Variants in DAGLB observed in about 807,000 individuals in gnomAD.
The protein encoded by DAGLB is diacylglycerol lipase beta.
Under a neutral mutation model 72.1 loss-of-function variants are expected in DAGLB, and 66 were observed. The observed-to-expected ratio is 0.92, with a 90% CI of 0.75 to 1.12. The LOEUF is 1.12. Ranked by LOEUF, DAGLB falls within the 50% of genes most tolerant of loss-of-function variation. The pLI, the probability that DAGLB is intolerant of heterozygous loss-of-function variation, is 0.00. For missense variants in DAGLB, 1,065 were observed against 884.9 expected (o/e 1.20, Z -2.58); for synonymous variants, 414 against 359.5 (o/e 1.15, Z -1.71).
rs1363902935 is a variant in DAGLB, at chr7:6,438,119, C to G, written c.248-1586G>C. Among the ~76,000 whole-genome samples, 6 of 151,942 alleles carry G rather than the reference C, an allele frequency of 3.9e-5. No individual in the cohort carries two copies. In the East Asian group the frequency reaches 1.2e-3, roughly 29 times the overall value. Reference sequence around the variant, plus strand: ...ATCGCAAGGACAGAAAACCAAACACCGCATGTTTTCACTCATAGGTGGGAA... The same window carrying G: ...ATCGCAAGGACAGAAAACCAAACACGGCATGTTTTCACTCATAGGTGGGAA... On this transcript the variant is annotated intron_variant, in intron 2 of 14. Coordinates refer to ENST00000297056, the MANE Select transcript of DAGLB (RefSeq NM_139179.4).
intron 8 of DAGLB, 31 bp from the exon 9 acceptor site, chr7:6,421,835 C>T: frequency 6.2e-7 from 1 of 1,608,944 alleles, no homozygotes. Context: ...AAGCGGCCGT[C>T]AGCCTGTGAT....
chr7:6,441,150 G>C (rs1234915021), intron 2 of DAGLB, among the ~76,000 whole-genome samples: 2 of 150,712 alleles, frequency 1.3e-5, no homozygotes, highest in African/African-American at 2.4e-5. Flanking sequence ...GAGTGCAGTG[G>C]CGCGATCTCG....
In DAGLB at chr7:6,434,916, C is replaced by T; in HGVS notation, c.524G>A (p.Ser175Asn). ...YSSAGPSHLD[S>N]HDSSQLLNGL... ...ATTAAGTAACTGGCTTGAATCATGACTATCCAGGTGGCTGGGGCCGGCAGA... is the reference window on the plus strand; with the variant it reads ...ATTAAGTAACTGGCTTGAATCATGATTATCCAGGTGGCTGGGGCCGGCAGA... Residue 175 changes from serine to asparagine, a missense_variant, in exon 4 of 15, where the codon AGT becomes AAT. Transcript: ENST00000297056. 1.2e-6 allele frequency: 2 copies of T among 1,614,192 alleles called. No homozygotes were observed. The highest frequency in any genetic ancestry group is 1.7e-6 in the Non-Finnish European group (2 of 1,180,028).
rs374025101 is a variant in DAGLB, at chr7:6,445,973, A to T, written c.227T>A (p.Ile76Asn). Reference protein sequence around the residue: ...LAVVICTVSAIMCVSMRGTIC... With the variant: ...LAVVICTVSANMCVSMRGTIC... The stretch of plus-strand genomic sequence containing the variant: ...TTTACCTCTCATGCTGACACACATG[A>T]TGGCTGACACAGTACATATGACAAC... The change falls in exon 2 of 15, where the codon ATC becomes AAC. Residue 76 changes from isoleucine to asparagine, a missense_variant. By Grantham distance (149) the Ile-to-Asn change is moderately radical. Transcript: ENST00000297056. 2.2e-5 allele frequency: 36 copies of T among 1,603,246 alleles called. No homozygotes were observed. The Middle Eastern group carries it at 8.3e-4, about 37-fold the overall frequency.
chr7:6,414,167 C>G (rs539784650), intron 11 of DAGLB, among the ~76,000 whole-genome samples: 1 of 151,838 alleles, frequency 6.6e-6, no homozygotes, highest in African/African-American at 2.4e-5. Context: ...CCCACCACCA[C>G]GCCCAGCTAA....
At position 6,409,132 on chromosome 7, in the gene DAGLB, G is replaced by T. The variant is rs836559; in HGVS notation, c.*705C>A. 1 of 152,990 alleles carries T rather than the reference G, an allele frequency of 6.5e-6. No homozygotes were observed. Among genetic ancestry groups the T allele is most frequent in the African/African-American group, 2.4e-5 (1 of 41,412 alleles). The allele number at this position is 152,990 out of a possible 1,614,324, so 9.5% of individuals were successfully genotyped here. A position where few individuals can be genotyped will look rare whatever the true frequency, so the allele number is the denominator to read the frequency against. On this transcript the variant is annotated 3_prime_UTR_variant, in exon 15 of 15. Coordinates refer to ENST00000297056, the MANE Select transcript of DAGLB (RefSeq NM_139179.4). ...ACGCAGCTGTACACACAAGCACTAT[G>T]GTGACGCGCGCTTTATTGTTTCAAC...
In DAGLB at chr7:6,421,819, T is replaced by C; in HGVS notation, c.1141-15A>G. 1.2e-6 allele frequency: 2 copies of C among 1,611,666 alleles called. No homozygotes were observed. Among genetic ancestry groups the C allele is most frequent in the Non-Finnish European group, 1.7e-6 (2 of 1,179,118 alleles). On this transcript the variant is annotated splice_polypyrimidine_tract_variant and intron_variant, in intron 8 of 14. Transcript: ENST00000297056. ...GTAAGGACATCCTGTAAAAAGGGCGTTGCAGAAGCGGCCGTCAGCCTGTGA... is the reference window on the plus strand; with the variant it reads ...GTAAGGACATCCTGTAAAAAGGGCGCTGCAGAAGCGGCCGTCAGCCTGTGA...
At chr7:6,424,274 C>T (rs836523) in intron 8 of DAGLB, among the ~76,000 whole-genome samples, 7 of 151,982 alleles carry the variant, frequency 4.6e-5, no homozygotes, top group African/African-American at 1.7e-4. Flanking sequence ...GGATGGATGT[C>T]GGCAGTCCTG....
At chr7:6,431,701 G>C (rs1784493553) in intron 5 of DAGLB, among the ~76,000 whole-genome samples, 1 of 152,132 alleles carries the variant, frequency 6.6e-6, no homozygotes, top group African/African-American at 2.4e-5. Context: ...GAAGTCAGGA[G>C]ACAGAGGGTG....
chr7:6,438,267 G>T (rs1166212715), intron 2 of DAGLB, among the ~76,000 whole-genome samples: 1 of 151,976 alleles, frequency 6.6e-6, no homozygotes, highest in Admixed American at 6.6e-5. Context: ...CGAGTAACGG[G>T]TGCAGCACAC....
chr7:6,447,540 T>G (rs1198049253), intron 1 of DAGLB, among the ~76,000 whole-genome samples: 6 of 152,120 alleles, frequency 3.9e-5, no homozygotes, highest in Non-Finnish European at 8.8e-5. Context: ...CCACACACTC[T>G]GGGGGCTTCG....
Position 6,426,059 on chromosome 7 carries a change from G to C in DAGLB, c.985C>G (p.His329Asp), listed in dbSNP as rs1411912992. 1 of 1,614,076 alleles carries C rather than the reference G, an allele frequency of 6.2e-7. No homozygotes were observed. ...DLVGGDQLNC[H>D]FGSILHTTGL... ...GTGGTGTGCAGGATGGAGCCGAAGT[G>C]ACAGTTGAGCTGATCGCCTCCGACC... Residue 329 changes from histidine to aspartate, a missense_variant, in exon 7 of 15, where the codon CAC (histidine) becomes GAC (aspartate). Physicochemically the swap from His to Asp is moderately conservative, Grantham distance 81 (BLOSUM62 -1). Transcript: ENST00000297056.
rs748538522 is a variant in DAGLB, at chr7:6,446,042, G to T, written c.158C>A (p.Ala53Asp). The T allele has an allele frequency of 6.2e-7, 1 of 1,613,588 alleles. No individual in the cohort carries two copies. Among genetic ancestry groups the T allele is most frequent in the Non-Finnish European group, 8.5e-7 (1 of 1,179,868 alleles). ...HRGKLDCAGG[A>D]LLSSYLIVLM... is the part of the protein sequence containing the mutation. ...GACGATCAAGTAACTGCTGAGCAAG[G>T]CTCCACCAGCACAGTCCAGCTTTCC... The change falls in exon 2 of 15, where the codon GCC becomes GAC. Residue 53 changes from alanine to aspartate, a missense_variant. Ala to Asp is a moderately radical substitution (Grantham distance 126). Transcript: ENST00000297056.
intron 5 of DAGLB, among the ~76,000 whole-genome samples, 176 bp downstream of exon 5, chr7:6,432,659 TAA>T (rs777686699): frequency 7.3e-5 from 3 of 41,362 alleles, no homozygotes; most frequent in Admixed American, 6.5e-4. Flanking sequence ...GACTCCGTCT[TAA>T]AAAAAAAAAA....
chr7:6,440,679 G>A (rs568336756), intron 2 of DAGLB, among the ~76,000 whole-genome samples: 1 of 152,280 alleles, frequency 6.6e-6, no homozygotes, highest in African/African-American at 2.4e-5. Context: ...GGAAGTTCGA[G>A]ACCAGCCTGG....
Position 6,409,493 on chromosome 7 carries a change from G to C in DAGLB, c.*344C>G. 6.1e-6 allele frequency: 2 copies of C among 329,166 alleles called. No individual in the cohort carries two copies. Among genetic ancestry groups the C allele is most frequent in the Non-Finnish European group, 1.1e-5 (2 of 175,192 alleles). 20.4% of individuals were successfully genotyped at this position (329,166 alleles called of 1,614,324 possible). ...CTTGGGGGTGGGAGGCTAAGGAACT[G>C]TTCACGGTCTTCTGGGTGGGCCCTG... is the stretch of plus-strand genomic sequence containing the variant. On this transcript the variant is annotated 3_prime_UTR_variant, in exon 15 of 15. Transcript: ENST00000297056.
Position 6,410,222 on chromosome 7 carries a change from GGA to G in DAGLB, c.1726_1727del (p.Ser576GlnfsTer41). ...LTRWSPAYSF[S>X]SDSPLDSSPK... ...GAGAAGAGTCCAGTGGGGAGTCGCT[GGA>G]GAAGCTGTAGGCCGGGGACCAGCGC... On this transcript the variant is annotated frameshift_variant, in exon 14 of 15. Coordinates refer to ENST00000297056, the MANE Select transcript of DAGLB (RefSeq NM_139179.4). LOFTEE classifies it high-confidence loss of function. 1 of 1,610,754 alleles carries G rather than the reference GGA, an allele frequency of 6.2e-7. No individual in the cohort carries two copies. The highest frequency in any genetic ancestry group is 8.5e-7 in the Non-Finnish European group (1 of 1,178,378).
intron 1 of DAGLB, among the ~76,000 whole-genome samples, chr7:6,446,437 C>T (rs1402079736): frequency 8.6e-6 from 1 of 116,694 alleles, no homozygotes; most frequent in Non-Finnish European, 1.6e-5. Context: ...GAGATCGTGT[C>T]ACTGCACTCC....
chr7:6,424,493 T>A (rs1583289610), intron 8 of DAGLB, among the ~76,000 whole-genome samples: 1 of 152,108 alleles, frequency 6.6e-6, no homozygotes, highest in Non-Finnish European at 1.5e-5. Context: ...GTCAAGCAGG[T>A]GCCCTCTGGG....
Sources: gnomAD v4.1 joint callset for allele counts (sites outside exome capture counted in the v4.1 genomes callset) on GRCh38, gnomAD v4.1.1 for gene constraint, MANE v1.5 for transcripts, NCBI Gene and HGNC (gene_info 2026-07-23, HGNC 2026-07-21) for gene names.